PTGIS: variants seen among roughly 807,000 people sequenced by gnomAD.
The protein encoded by PTGIS is prostaglandin I2 synthase.
PTGIS carries 45 observed loss-of-function variants against 50.3 expected under a neutral mutation model. The observed-to-expected ratio is 0.90, with a 90% CI of 0.70 to 1.15. The LOEUF is 1.15. PTGIS is among the 50% of genes most tolerant of loss of function. The probability of loss-of-function intolerance (pLI) is 0.00; values close to 1 mark genes in which losing one functional copy is unlikely to be tolerated. For synonymous variants in PTGIS, 260 were observed against 267.7 expected, an observed-to-expected ratio of 0.97 and a Z score of 0.28; for missense variants, 668 against 661.3, an observed-to-expected ratio of 1.01 and a Z score of -0.11.
intron 6 of PTGIS, among the ~76,000 whole-genome samples, chr20:49,519,357 G>C (rs539483891): frequency 3.5e-4 from 53 of 152,216 alleles, no homozygotes; most frequent in Non-Finnish European, 1.5e-4. Context: ...CCCAGGGTAA[G>C]TGCTCAGTAT....
chr20:49,521,645 C>T (rs1981652910), intron 6 of PTGIS, among the ~76,000 whole-genome samples: 1 of 152,218 alleles, frequency 6.6e-6, no homozygotes, highest in Admixed American at 6.5e-5. Context: ...TCCCAGTCCC[C>T]ACCCCTTGCC....
At position 49,547,943 on chromosome 20, in the gene PTGIS, G is replaced by C; in HGVS notation, c.275C>G (p.Thr92Ser). The C allele has an allele frequency of 6.2e-7, 1 of 1,614,124 alleles. No individual in the cohort carries two copies. ...SYDAVVWEPR[T>S]RLDFHAYAIF... ...GGCATAGGCATGGAAGTCGAGCCTG[G>C]TGCGAGGCTCCCACACCACCGCGTC... is the stretch of plus-strand genomic sequence containing the variant. Residue 92 changes from threonine (T) to serine (S), a missense_variant, in exon 3 of 10, where the codon ACC (threonine) becomes AGC (serine). Thr to Ser is a moderately conservative substitution (Grantham distance 58, BLOSUM62 1). Coordinates refer to ENST00000244043, the MANE Select transcript of PTGIS (RefSeq NM_000961.4).
intron 1 of PTGIS, among the ~76,000 whole-genome samples, chr20:49,559,615 C>T (rs1475674234): frequency 6.6e-6 from 1 of 152,110 alleles, no homozygotes; most frequent in African/African-American, 2.4e-5. Flanking sequence ...GTTACTCAGC[C>T]ACAAAAAGGA....
intron 5 of PTGIS, 87 bp from the exon 6 acceptor site, chr20:49,524,326 A>G (rs1231223347): frequency 1.4e-6 from 2 of 1,458,694 alleles, no homozygotes; most frequent in Non-Finnish European, 1.9e-6. Flanking sequence ...CATGAGGCCA[A>G]GGGTCTTCTG....
At chr20:49,557,125 C>G (rs1168495797) in intron 1 of PTGIS, among the ~76,000 whole-genome samples, 1 of 151,968 alleles carries the variant, frequency 6.6e-6, no homozygotes, top group Non-Finnish European at 1.5e-5. Context: ...TTCTTTCTCT[C>G]TTATTTTCTT....
chr20:49,552,910 A>G (rs1982547727), intron 1 of PTGIS, among the ~76,000 whole-genome samples: 1 of 152,178 alleles, frequency 6.6e-6, no homozygotes, highest in South Asian at 2.1e-4. Context: ...CTGTCTGTCT[A>G]TGTATTTATA....
chr20:49,556,642 A>T (rs1982627452), intron 1 of PTGIS, among the ~76,000 whole-genome samples: 1 of 152,216 alleles, frequency 6.6e-6, no homozygotes, highest in Non-Finnish European at 1.5e-5. Context: ...AATATAACTA[A>T]AACTTATTTT....
intron 6 of PTGIS, among the ~76,000 whole-genome samples, chr20:49,522,353 T>G (rs1981672437): frequency 6.6e-6 from 1 of 152,104 alleles, no homozygotes; most frequent in South Asian, 2.1e-4. Flanking sequence ...AGTCTCTCTA[T>G]TCACAGCCCT....
chr20:49,559,279 G>A (rs1167064168), intron 1 of PTGIS, among the ~76,000 whole-genome samples: 2 of 152,138 alleles, frequency 1.3e-5, no homozygotes, highest in Non-Finnish European at 2.9e-5. Context: ...CCTCTCCCAT[G>A]ATTTTTATCT....
At chr20:49,556,240 C>CTT (rs1364819641) in intron 1 of PTGIS, among the ~76,000 whole-genome samples, 3 of 152,040 alleles carry the variant, frequency 2.0e-5, no homozygotes, top group Non-Finnish European at 2.9e-5. Context: ...GCCTAAGTAT[C>CTT]TTTTTTCTTT....
In PTGIS at chr20:49,543,293, C is replaced by T. The variant is rs572202792; in HGVS notation, c.521+1012G>A. Among the ~76,000 whole-genome samples, 79 of 152,194 alleles carry T rather than the reference C, an allele frequency of 5.2e-4. 1 individual carries two copies. Among genetic ancestry groups the T allele is most frequent in the African/African-American group, 1.9e-3 (78 of 41,534 alleles). ...CCCTGGGCCACCACCATTCTCTCAC[C>T]TTGGTGACACCTGGCAGCCTCCTGC... is the stretch of plus-strand genomic sequence containing the variant. On this transcript the variant is annotated intron_variant, in intron 4 of 9. Coordinates refer to ENST00000244043, the MANE Select transcript of PTGIS (RefSeq NM_000961.4).
At chr20:49,564,783 T>A (rs1682609462) in intron 1 of PTGIS, among the ~76,000 whole-genome samples, 1 of 152,148 alleles carries the variant, frequency 6.6e-6, no homozygotes, top group Admixed American at 6.5e-5. Flanking sequence ...ATAATTTTTG[T>A]ATGACCTTGG....
At chr20:49,551,892 G>C (rs1982520757) in intron 1 of PTGIS, among the ~76,000 whole-genome samples, 1 of 151,310 alleles carries the variant, frequency 6.6e-6, no homozygotes, top group Non-Finnish European at 1.5e-5. Flanking sequence ...TGTTTTTTGA[G>C]AAAAAGATTT....
chr20:49,514,369 C>G lies in PTGIS; in HGVS notation c.882G>C (p.Trp294Cys). ...GATTCTTGAGAAGGAAGAGCAGGAG[C>G]CAGAAGGCAGCGGGACCCATATTCC... ...TQGNMGPAAF[W>C]LLLFLLKNPE... is the part of the protein sequence containing the mutation. The change falls in exon 7 of 10, where the codon TGG becomes TGC. Residue 294 changes from tryptophan to cysteine, a missense_variant. Trp to Cys is a radical substitution (Grantham distance 215, BLOSUM62 -2). Transcript: ENST00000244043. 1 of 1,613,926 alleles carries G rather than the reference C, an allele frequency of 6.2e-7. No homozygotes were observed. Among genetic ancestry groups the G allele is most frequent in the Non-Finnish European group, 8.5e-7 (1 of 1,180,022 alleles).
intron 4 of PTGIS, among the ~76,000 whole-genome samples, chr20:49,541,780 A>T (rs544480847): frequency 1.3e-5 from 2 of 152,334 alleles, no homozygotes; most frequent in African/African-American, 4.8e-5. Context: ...AAAAAGAAAA[A>T]GTAAACCCAG....
In PTGIS at chr20:49,507,511, G is replaced by C. The variant is rs1442785634; in HGVS notation, c.*409C>G. ...ATCCTGAGTGGCCTTTCTGTGGCCAGCATCCGCTTTGACTGGATAAGGCCC... is the reference window on the plus strand; with the variant it reads ...ATCCTGAGTGGCCTTTCTGTGGCCACCATCCGCTTTGACTGGATAAGGCCC... On this transcript the variant is annotated 3_prime_UTR_variant, in exon 10 of 10. Coordinates refer to ENST00000244043, the MANE Select transcript of PTGIS (RefSeq NM_000961.4). 9.5e-6 allele frequency: 3 copies of C among 314,992 alleles called. No individual in the cohort carries two copies. The highest frequency in any genetic ancestry group is 1.8e-5 in the Non-Finnish European group (3 of 162,494). 19.5% of individuals were successfully genotyped at this position (314,992 alleles called of 1,614,324 possible).
At position 49,514,351 on chromosome 20, in the gene PTGIS, G is replaced by A; in HGVS notation, c.900C>T (p.Leu300=). The A allele has an allele frequency of 6.2e-7, 1 of 1,614,082 alleles. No individual in the cohort carries two copies. The change falls in exon 7 of 10, where the codon CTC becomes CTT. Residue 300 remains leucine (L), a synonymous_variant. Transcript: ENST00000244043. ...CAGCAGCCAGGGCTTCAGGATTCTTGAGAAGGAAGAGCAGGAGCCAGAAGG... is the reference window on the plus strand; with the variant it reads ...CAGCAGCCAGGGCTTCAGGATTCTTAAGAAGGAAGAGCAGGAGCCAGAAGG... The part of the protein sequence containing the change: ...PAAFWLLLFL[L]KNPEALAAVR...
At chr20:49,536,571 G>A (rs1191122179) in intron 5 of PTGIS, among the ~76,000 whole-genome samples, 1 of 134,592 alleles carries the variant, frequency 7.4e-6, no homozygotes, top group Non-Finnish European at 1.5e-5. Context: ...ACCTCCACCC[G>A]CAGGGTTCTA....
chr20:49,515,054 G>A (rs1191751639), intron 6 of PTGIS, among the ~76,000 whole-genome samples: 1 of 152,192 alleles, frequency 6.6e-6, no homozygotes, highest in African/African-American at 2.4e-5. Context: ...ATGCTGATGG[G>A]TGTATGCCGC....
Sources: gnomAD v4.1 joint callset for allele counts (sites outside exome capture counted in the v4.1 genomes callset) on GRCh38, gnomAD v4.1.1 for gene constraint, MANE v1.5 for transcripts, NCBI Gene and HGNC (gene_info 2026-07-23, HGNC 2026-07-21) for gene names.